Variants in DEFB112 observed in about 807,000 individuals in gnomAD.
The protein encoded by DEFB112 is beta-defensin 112.
A neutral mutation model predicts 1.1 loss-of-function variants in DEFB112; 2 were observed. The observed-to-expected ratio is 1.85, with a 90% CI of 0.76 to 5.83. The LOEUF (loss-of-function observed/expected upper bound fraction) is 5.83, where lower values mean the gene tolerates loss of function less well. DEFB112 is among the 30% of genes most tolerant of loss of function. DEFB112 has a pLI of 0.05. For missense variants in DEFB112, 120 were observed against 94.4 expected (o/e 1.27, Z -1.12); for synonymous variants, 40 against 31.2 (o/e 1.28, Z -0.93).
At position 50,042,945 on chromosome 6, in the gene DEFB112, T is replaced by G. The variant is rs1282838906; in HGVS notation, c.*630A>C. Among the ~76,000 whole-genome samples the G allele has an allele frequency of 6.6e-6, 1 of 151,942 alleles. No homozygotes were observed. Among genetic ancestry groups the G allele is most frequent in the Non-Finnish European group, 1.5e-5 (1 of 67,908 alleles). On this transcript the variant is annotated 3_prime_UTR_variant, in exon 2 of 2. Transcript: ENST00000651554. ...AACAAAGCAAAACAAAACAAAAAAG[T>G]TAATCATAATTTCACATTATCGTTA...
chr6:50,046,811 T>C (rs550978900), intron 1 of DEFB112, among the ~76,000 whole-genome samples: 8 of 152,256 alleles, frequency 5.3e-5, no homozygotes, highest in South Asian at 2.1e-4. Context: ...AAGTGATTGG[T>C]AAAGTGGTGT....
At chr6:50,044,198 C>A (rs1413867996) in intron 1 of DEFB112, among the ~76,000 whole-genome samples, 1 of 151,946 alleles carries the variant, frequency 6.6e-6, no homozygotes, top group African/African-American at 2.4e-5. Flanking sequence ...TTCCATTGTT[C>A]TTTTTAACCT....
intron 1 of DEFB112, among the ~76,000 whole-genome samples, chr6:50,047,551 TGTGAAGGCATTTTC>T (rs1774854524): frequency 6.6e-6 from 1 of 152,176 alleles, no homozygotes; most frequent in South Asian, 2.1e-4. Flanking sequence ...CCTTAGCTCT[TGTGAAGGCATTTTC>T]GTGCATGGAT....
Position 50,043,781 on chromosome 6 carries a change from T to G in DEFB112, c.79A>C (p.Ile27Leu). 1.2e-6 allele frequency: 2 copies of G among 1,613,376 alleles called. No individual in the cohort carries two copies. The highest frequency in any genetic ancestry group is 1.7e-6 in the Non-Finnish European group (2 of 1,179,460). Reference sequence around the variant, plus strand: ...CATGACTTCCACCTACTAAAGGTGATATGGTGCCCTTCACTTCTGGCTGAA... The same window carrying G: ...CATGACTTCCACCTACTAAAGGTGAGATGGTGCCCTTCACTTCTGGCTGAA... ...IPPARSEGHH[I>L]TFSRWKSCTA... Residue 27 changes from isoleucine to leucine, a missense_variant, in exon 2 of 2, where the codon ATC becomes CTC. By Grantham distance (5) the Ile-to-Leu change is conservative. Coordinates refer to ENST00000651554, the MANE Select transcript of DEFB112 (RefSeq NM_001369057.2).
At chr6:50,049,545 G>A (rs1457855455) in intron 1 of DEFB112, among the ~76,000 whole-genome samples, 4 of 151,922 alleles carry the variant, frequency 2.6e-5, no homozygotes, top group Admixed American at 1.3e-4. Flanking sequence ...TGAAATCAAC[G>A]TAGCATTATT....
At chr6:50,047,748 C>T (rs73739913) in intron 1 of DEFB112, among the ~76,000 whole-genome samples, 4,247 of 152,210 alleles carry the variant, frequency 0.028, 123 homozygotes, top group African/African-American at 0.064. Context: ...TTAATTAAAC[C>T]GTGCTTTCAA....
At chr6:50,044,129 C>G (rs973754769) in intron 1 of DEFB112, among the ~76,000 whole-genome samples, 3 of 152,058 alleles carry the variant, frequency 2.0e-5, no homozygotes, top group African/African-American at 7.2e-5. Context: ...TCTCCATCCT[C>G]TCATTTATTA....
rs1167211742 is a variant in DEFB112, at chr6:50,042,689, A to G, written c.*886T>C. Among the ~76,000 whole-genome samples, 1 of 152,014 alleles carries G rather than the reference A, an allele frequency of 6.6e-6. No individual in the cohort carries two copies. The highest frequency in any genetic ancestry group is 1.5e-5 in the Non-Finnish European group (1 of 67,928). On this transcript the variant is annotated 3_prime_UTR_variant, in exon 2 of 2. Coordinates refer to ENST00000651554, the MANE Select transcript of DEFB112 (RefSeq NM_001369057.2). Reference sequence around the variant, plus strand: ...TTAATCTAGGTGAGGTATTAAGACCAACTGCTGACCCTTTCCCTCAAGGCC... The same window carrying G: ...TTAATCTAGGTGAGGTATTAAGACCGACTGCTGACCCTTTCCCTCAAGGCC...
At position 50,049,904 on chromosome 6, in the gene DEFB112, A is replaced by AT. The variant is rs1415084576; in HGVS notation, c.-36dup. 2.0e-5 allele frequency among the ~76,000 whole-genome samples: 3 copies of AT among 152,076 alleles called. No individual in the cohort carries two copies. Among genetic ancestry groups the AT allele is most frequent in the African/African-American group, 7.2e-5 (3 of 41,422 alleles). On this transcript the variant is annotated 5_prime_UTR_variant, in exon 1 of 2. Coordinates refer to ENST00000651554, the MANE Select transcript of DEFB112 (RefSeq NM_001369057.2). ...TTTCTTGGTATAAAACAGTGTACAG[A>AT]TCATCTGTCTGACTCAGCTGTTGTT...
chr6:50,043,803 T>C lies in DEFB112; in HGVS notation c.59-2A>G, dbSNP rs759916424. On this transcript the variant is annotated splice_acceptor_variant, in intron 1 of 1. Coordinates refer to ENST00000651554, the MANE Select transcript of DEFB112 (RefSeq NM_001369057.2). LOFTEE classifies it high-confidence loss of function. Reference sequence around the variant, plus strand: ...TGATATGGTGCCCTTCACTTCTGGCTGAAAGAAGGCAAGAACAGCTGGAAT... The same window carrying C: ...TGATATGGTGCCCTTCACTTCTGGCCGAAAGAAGGCAAGAACAGCTGGAAT... 6.2e-7 allele frequency: 1 copy of C among 1,612,724 alleles called. No individual in the cohort carries two copies. The highest frequency in any genetic ancestry group is 8.5e-7 in the Non-Finnish European group (1 of 1,179,058).
At chr6:50,048,614 T>G in intron 1 of DEFB112, 1 of 1,613,648 alleles carries the variant, frequency 6.2e-7, no homozygotes, top group East Asian at 2.2e-5. Context: ...GTACATTTTT[T>G]CAAGTTTCAG....
At chr6:50,044,133 TTTA>T (rs1289215820) in intron 1 of DEFB112, among the ~76,000 whole-genome samples, 7 of 152,102 alleles carry the variant, frequency 4.6e-5, no homozygotes, top group Admixed American at 3.3e-4. Flanking sequence ...CATCCTCTCA[TTTA>T]TTATTTATTC....
At chr6:50,048,626 C>T in intron 1 of DEFB112, 2 of 1,612,992 alleles carry the variant, frequency 1.2e-6, no homozygotes, top group Non-Finnish European at 1.7e-6. Flanking sequence ...AAGTTTCAGT[C>T]TACATATGGT....
At chr6:50,048,659 C>T in intron 1 of DEFB112, 1 of 1,597,110 alleles carries the variant, frequency 6.3e-7, no homozygotes, top group Non-Finnish European at 8.6e-7. Context: ...CATAAGAGTG[C>T]TAAGAGGTTG....
Position 50,045,477 on chromosome 6 carries a change from AT to A in DEFB112, c.59-1677del, listed in dbSNP as rs530900342. 7.0e-3 allele frequency among the ~76,000 whole-genome samples: 1,067 copies of A among 152,172 alleles called. 20 individuals are homozygous for A. The highest frequency in any genetic ancestry group is 0.024 in the African/African-American group (981 of 41,526). On this transcript the variant is annotated intron_variant, in intron 1 of 1. Coordinates refer to ENST00000651554, the MANE Select transcript of DEFB112 (RefSeq NM_001369057.2). ...TAATATTTGTATACCTCAATTATGC[AT>A]TTTTTATGCCTGCTTTTGAACATGT...
chr6:50,049,334 C>A (rs547272889), intron 1 of DEFB112, among the ~76,000 whole-genome samples: 8 of 152,196 alleles, frequency 5.3e-5, no homozygotes, highest in Non-Finnish European at 1.0e-4. Context: ...TAGACAAGTG[C>A]AGCTTGTCTC....
chr6:50,046,992 G>T (rs937372139), intron 1 of DEFB112, among the ~76,000 whole-genome samples: 1 of 152,306 alleles, frequency 6.6e-6, no homozygotes, highest in African/African-American at 2.4e-5. Flanking sequence ...GATGACTATG[G>T]CTGTGGAGCT....
intron 1 of DEFB112, among the ~76,000 whole-genome samples, chr6:50,047,522 G>A (rs1175327432): frequency 6.6e-6 from 1 of 152,108 alleles, no homozygotes; most frequent in Non-Finnish European, 1.5e-5. Flanking sequence ...CCCAAGTGCT[G>A]TAATCTCTCA....
intron 1 of DEFB112, 110 bp from the exon 2 acceptor site, chr6:50,043,911 G>T (rs1774790386): frequency 1.1e-6 from 1 of 921,454 alleles, no homozygotes; most frequent in South Asian, 1.6e-5. Flanking sequence ...AAAGGAAATG[G>T]ATATTTGCTT....
Sources: gnomAD v4.1 joint callset for allele counts (sites outside exome capture counted in the v4.1 genomes callset) on GRCh38, gnomAD v4.1.1 for gene constraint, MANE v1.5 for transcripts, NCBI Gene and HGNC (gene_info 2026-07-23, HGNC 2026-07-21) for gene names.